GNG10: variants seen among roughly 807,000 people sequenced by gnomAD.
GNG10 encodes guanine nucleotide-binding protein G(I)/G(S)/G(O) subunit gamma-10.
Under a neutral mutation model 6.8 loss-of-function variants are expected in GNG10, and 7 were observed. The observed-to-expected ratio is 1.02, with a 90% CI of 0.58 to 1.92. The LOEUF is 1.92. Among genes scored for constraint, GNG10 ranks in the 30% most tolerant of loss-of-function variants. GNG10 has a pLI of 0.00. For missense variants in GNG10, 57 were observed against 86.1 expected (o/e 0.66, Z 1.34); for synonymous variants, 28 against 34.8 (o/e 0.80, Z 0.69).
At chr9:111,666,415 G>A (rs924099487) in intron 1 of GNG10, among the ~76,000 whole-genome samples, 1 of 152,134 alleles carries the variant, frequency 6.6e-6, no homozygotes, top group African/African-American at 2.4e-5. Context: ...ACTGAATAAG[G>A]CTTCAGACTT....
intron 1 of GNG10, among the ~76,000 whole-genome samples, chr9:111,665,482 C>A (rs1333107441): frequency 6.6e-6 from 1 of 152,082 alleles, no homozygotes; most frequent in Non-Finnish European, 1.5e-5. Context: ...CTGGTGTTGG[C>A]TGGTGTCTGG....
intron 1 of GNG10, among the ~76,000 whole-genome samples, chr9:111,665,829 C>T (rs1026706344): frequency 2.0e-4 from 30 of 151,566 alleles, no homozygotes; most frequent in Non-Finnish European, 2.9e-4. Flanking sequence ...TGGGTTCAAG[C>T]GATTCTCCTG....
chr9:111,662,730 C>G (rs574578525), intron 1 of GNG10, among the ~76,000 whole-genome samples: 65 of 152,202 alleles, frequency 4.3e-4, no homozygotes, highest in Non-Finnish European at 2.1e-4. Flanking sequence ...TACATAGCAT[C>G]GCTTCATGTA....
rs1484685358 is a variant in GNG10 at position 111,669,445 on chromosome 9, G to A, written c.*183G>A. On this transcript the variant is annotated 3_prime_UTR_variant, in exon 3 of 3. Transcript: ENST00000374293. ...GTTTCTACTTGAGTGAGAAAACTGG[G>A]TGAAGGAATAGAATTTTAAATAGTA... 2 of 151,792 alleles carry A rather than the reference G, an allele frequency of 1.3e-5. No homozygotes were observed. The highest frequency in any genetic ancestry group is 6.6e-5 in the Admixed American group (1 of 15,202). 9.4% of individuals were successfully genotyped at this position (151,792 alleles called of 1,614,324 possible).
At chr9:111,667,228 C>T (rs4979033) in intron 2 of GNG10, among the ~76,000 whole-genome samples, 65,522 of 148,140 alleles carry the variant, frequency 0.44, 15,751 homozygotes, top group African/African-American at 0.66. Context: ...GTAATTTCTT[C>T]CTTTCTTTCT....
In GNG10 at chr9:111,670,050, T is replaced by C. The variant is rs1281296915; in HGVS notation, c.*788T>C. 2 of 152,480 alleles carry C rather than the reference T, an allele frequency of 1.3e-5. No homozygotes were observed. The highest frequency in any genetic ancestry group is 4.8e-5 in the African/African-American group (2 of 41,394). The allele number at this position is 152,480 out of a possible 1,614,324, so 9.4% of individuals were successfully genotyped here. On this transcript the variant is annotated 3_prime_UTR_variant, in exon 3 of 3. Coordinates refer to ENST00000374293, the MANE Select transcript of GNG10 (RefSeq NM_001017998.4). The stretch of plus-strand genomic sequence containing the variant: ...TTAAAATGTGACCCACAGAACATTG[T>C]AAATGATTAAAAACTAACATGAAAA...
chr9:111,667,869 C>T (rs1344290247), intron 2 of GNG10, among the ~76,000 whole-genome samples: 1 of 152,024 alleles, frequency 6.6e-6, no homozygotes, highest in Non-Finnish European at 1.5e-5. Flanking sequence ...TGTTTCCCCC[C>T]TCATCGCCGA....
chr9:111,663,032 T>G (rs552212261), intron 1 of GNG10, among the ~76,000 whole-genome samples: 7 of 143,012 alleles, frequency 4.9e-5, no homozygotes, highest in South Asian at 2.3e-4. Flanking sequence ...TACGGGGGGG[T>G]GGGGGATTGG....
intron 1 of GNG10, among the ~76,000 whole-genome samples, chr9:111,662,757 TAATA>T (rs1378599214): frequency 6.6e-6 from 1 of 152,092 alleles, no homozygotes; most frequent in Admixed American, 6.5e-5. Context: ...GGAGTGAAGA[TAATA>T]AACAGGGTAA....
chr9:111,664,314 T>A (rs1830868241), intron 1 of GNG10, among the ~76,000 whole-genome samples: 1 of 152,208 alleles, frequency 6.6e-6, no homozygotes, highest in Non-Finnish European at 1.5e-5. Context: ...AGACAATACC[T>A]TAGAGAGTCA....
At chr9:111,667,896 A>C (rs1386769146) in intron 2 of GNG10, among the ~76,000 whole-genome samples, 19 of 152,058 alleles carry the variant, frequency 1.2e-4, no homozygotes, top group Non-Finnish European at 5.9e-5. Flanking sequence ...TTGCTCTGTC[A>C]CCCAGGCTGG....
At chr9:111,665,835 T>C (rs1830887438) in intron 1 of GNG10, among the ~76,000 whole-genome samples, 1 of 151,634 alleles carries the variant, frequency 6.6e-6, no homozygotes, top group South Asian at 2.1e-4. Flanking sequence ...CAAGCGATTC[T>C]CCTGCCTCAA....
intron 1 of GNG10, among the ~76,000 whole-genome samples, chr9:111,665,388 T>C (rs1353862489): frequency 1.3e-5 from 2 of 152,224 alleles, no homozygotes; most frequent in Non-Finnish European, 2.9e-5. Context: ...AGTTCTTAGA[T>C]GGACAATTTG....
chr9:111,670,009 A>G lies in GNG10; in HGVS notation c.*747A>G, dbSNP rs1830973735. On this transcript the variant is annotated 3_prime_UTR_variant, in exon 3 of 3. Coordinates refer to ENST00000374293, the MANE Select transcript of GNG10 (RefSeq NM_001017998.4). ...TGTACTTAAAGAAATACAGAATTTCATATATTTAAAAATGTTTAAAATGTG... is the reference window on the plus strand; with the variant it reads ...TGTACTTAAAGAAATACAGAATTTCGTATATTTAAAAATGTTTAAAATGTG... 6.6e-6 allele frequency: 1 copy of G among 151,542 alleles called. No individual in the cohort carries two copies. Among genetic ancestry groups the G allele is most frequent in the Non-Finnish European group, 1.5e-5 (1 of 67,864 alleles). The allele number at this position is 151,542 out of a possible 1,614,324, so 9.4% of individuals were successfully genotyped here.
intron 2 of GNG10, among the ~76,000 whole-genome samples, chr9:111,667,790 C>T (rs754869325): frequency 9.9e-5 from 15 of 152,138 alleles, no homozygotes; most frequent in Non-Finnish European, 1.2e-4. Flanking sequence ...TAAATGAAAA[C>T]ACCTCTCTGG....
chr9:111,669,740 C>A lies in GNG10; in HGVS notation c.*478C>A. On this transcript the variant is annotated 3_prime_UTR_variant, in exon 3 of 3. Transcript: ENST00000374293. ...TTCTTTTGTCATGAATTTATAATTC[C>A]TAAATGAAGACCAGAAAGTACAAAT... 1.0e-5 allele frequency: 1 copy of A among 96,478 alleles called. No homozygotes were observed. Among genetic ancestry groups the A allele is most frequent in the Non-Finnish European group, 1.9e-5 (1 of 51,352 alleles). 6.0% of individuals were successfully genotyped at this position (96,478 alleles called of 1,614,324 possible). A position where few individuals can be genotyped will look rare whatever the true frequency, so the allele number is the denominator to read the frequency against.
At chr9:111,668,091 T>G (rs1830934895) in intron 2 of GNG10, among the ~76,000 whole-genome samples, 1 of 152,200 alleles carries the variant, frequency 6.6e-6, no homozygotes, top group Non-Finnish European at 1.5e-5. Flanking sequence ...TTGGCTGGTC[T>G]CAAACTCCTG....
intron 1 of GNG10, among the ~76,000 whole-genome samples, chr9:111,662,001 G>A (rs540394841): frequency 6.6e-6 from 1 of 152,196 alleles, no homozygotes; most frequent in East Asian, 1.9e-4. Flanking sequence ...CTCGGAGGGC[G>A]CAAGGGATGC....
chr9:111,663,846 G>A lies in GNG10; in HGVS notation c.81+2131G>A, dbSNP rs552336146. 6.6e-5 allele frequency among the ~76,000 whole-genome samples: 10 copies of A among 150,808 alleles called. No homozygotes were observed. In the South Asian group the frequency reaches 1.9e-3, roughly 29 times the overall value. On this transcript the variant is annotated intron_variant, in intron 1 of 2. Transcript: ENST00000374293. ...CTTTTTTTTTTTTTTTTGAGATGGA[G>A]TTTCATTCTTGTTGCCCAGGTTGGA...
Sources: allele counts gnomAD v4.1 joint callset (sites outside exome capture counted in the v4.1 genomes callset), GRCh38; gene constraint gnomAD v4.1.1; transcripts MANE v1.5; gene names NCBI Gene and HGNC (gene_info 2026-07-23, HGNC 2026-07-21).